Variants in ABCC9 observed in about 807,000 individuals in gnomAD.
ABCC9 encodes the protein ATP-binding cassette sub-family C member 9.
A neutral mutation model predicts 188.3 loss-of-function variants in ABCC9; 95 were observed. The ratio of observed to expected loss-of-function variants is 0.50; its 90% confidence interval spans 0.43 to 0.60. ABCC9 has a LOEUF of 0.60. Ranked by LOEUF, ABCC9 falls within the 20% of genes least tolerant of loss-of-function variation. The pLI is 0.00. For missense variants in ABCC9, 1,102 were observed against 1,876.3 expected, an observed-to-expected ratio of 0.59 and a Z score of 7.62; for synonymous variants, 659 against 652.7, an observed-to-expected ratio of 1.01 and a Z score of -0.15.
At chr12:21,939,604 GT>G (rs925803333) in intron 2 of ABCC9, among the ~76,000 whole-genome samples, 1 of 152,138 alleles carries the variant, frequency 6.6e-6, no homozygotes, top group Non-Finnish European at 1.5e-5. Flanking sequence ...TTCTGGAGCT[GT>G]TTAGATTCAG....
At chr12:21,827,927 A>G (rs1943482888) in intron 31 of ABCC9, among the ~76,000 whole-genome samples, 1 of 152,210 alleles carries the variant, frequency 6.6e-6, no homozygotes, top group African/African-American at 2.4e-5. Context: ...TTTAATCTGT[A>G]TCCATCAATC....
At chr12:21,877,385 G>T (rs977873189) in intron 16 of ABCC9, among the ~76,000 whole-genome samples, 1 of 152,082 alleles carries the variant, frequency 6.6e-6, no homozygotes, top group Admixed American at 6.6e-5. Flanking sequence ...AGCATTTGTA[G>T]GTAAAGAACT....
chr12:21,821,610 A>T (rs574208335), intron 31 of ABCC9, among the ~76,000 whole-genome samples: 1 of 152,116 alleles, frequency 6.6e-6, no homozygotes, highest in Admixed American at 6.6e-5. Flanking sequence ...AATAAAGGAA[A>T]TGTAAAACAT....
intron 21 of ABCC9, 95 bp from the exon 22 acceptor site, chr12:21,859,761 CT>C: frequency 1.9e-6 from 2 of 1,036,190 alleles, no homozygotes; most frequent in African/African-American, 1.6e-5. Flanking sequence ...TTTTAAAAAT[CT>C]TAGATTGATA....
chr12:21,897,131 G>T (rs1235907147), intron 12 of ABCC9, among the ~76,000 whole-genome samples: 1 of 152,150 alleles, frequency 6.6e-6, no homozygotes, highest in African/African-American at 2.4e-5. Context: ...GCGTGAGATG[G>T]TGTCTCATTG....
At chr12:21,815,288 T>C (rs1354020248) in intron 34 of ABCC9, among the ~76,000 whole-genome samples, 11 of 127,088 alleles carry the variant, frequency 8.7e-5, no homozygotes, top group Admixed American at 7.1e-4. Context: ...TCTTCATGGT[T>C]TTTTTTTTTT....
Position 21,910,879 on chromosome 12 carries a change from C to G in ABCC9, c.1111G>C (p.Ala371Pro). 1 of 1,612,480 alleles carries G rather than the reference C, an allele frequency of 6.2e-7. No individual in the cohort carries two copies. The highest frequency in any genetic ancestry group is 8.5e-7 in the Non-Finnish European group (1 of 1,178,806). ...GTCTCTATGGTTACATAGTAGGAAG[C>G]CTGCAAAAATGTCCTTTGCAGAATA... ...ALILQRTFLQ[A>P]SYYVTIETGI... The change falls in exon 9 of 40, where the codon GCT becomes CCT. Residue 371 changes from alanine to proline, a missense_variant. Ala to Pro is a conservative substitution (Grantham distance 27, BLOSUM62 -1). Transcript: ENST00000261200.
intron 16 of ABCC9, among the ~76,000 whole-genome samples, chr12:21,876,989 T>C (rs997783769): frequency 6.6e-5 from 10 of 152,296 alleles, no homozygotes; most frequent in Non-Finnish European, 2.9e-5. Context: ...TTTAGTAATA[T>C]CCATCACACA....
intron 16 of ABCC9, 58 bp downstream of exon 16, chr12:21,882,708 C>T: frequency 6.9e-7 from 1 of 1,445,140 alleles, no homozygotes; most frequent in Non-Finnish European, 9.7e-7. Flanking sequence ...AGAACTTCAC[C>T]ATAAAATAGT....
chr12:21,870,063 C>T (rs949062661), intron 18 of ABCC9, among the ~76,000 whole-genome samples: 1 of 152,042 alleles, frequency 6.6e-6, no homozygotes, highest in African/African-American at 2.4e-5. Flanking sequence ...ATCCTTCACC[C>T]CCTCCTGCCT....
At chr12:21,885,857 CT>C (rs1416250177) in intron 15 of ABCC9, among the ~76,000 whole-genome samples, 2 of 152,164 alleles carry the variant, frequency 1.3e-5, no homozygotes, top group South Asian at 4.2e-4. Flanking sequence ...ACAAGATTGC[CT>C]TTTTTAGCAG....
At chr12:21,829,971 G>A (rs185293186) in intron 30 of ABCC9, among the ~76,000 whole-genome samples, 20 of 152,180 alleles carry the variant, frequency 1.3e-4, no homozygotes, top group African/African-American at 4.1e-4. Context: ...TAGAGATGAC[G>A]GCAAATGCTC....
At chr12:21,802,939 T>C (rs1215628899) in intron 39 of ABCC9, among the ~76,000 whole-genome samples, 1 of 152,064 alleles carries the variant, frequency 6.6e-6, no homozygotes, top group East Asian at 1.9e-4. Flanking sequence ...GAAACATATA[T>C]GAAATGTGAT....
chr12:21,927,648 CTAA>C (rs1949094330), intron 4 of ABCC9, among the ~76,000 whole-genome samples: 1 of 151,958 alleles, frequency 6.6e-6, no homozygotes, highest in Non-Finnish European at 1.5e-5. Context: ...GAAAGAGGAG[CTAA>C]TAAGTTTCGC....
At chr12:21,888,491 C>T (rs1299609898) in intron 14 of ABCC9, among the ~76,000 whole-genome samples, 1 of 152,084 alleles carries the variant, frequency 6.6e-6, no homozygotes, top group Non-Finnish European at 1.5e-5. Flanking sequence ...ACTCTAGAGT[C>T]TTGCTGCTCA....
At chr12:21,918,139 C>T (rs34413975) in intron 5 of ABCC9, among the ~76,000 whole-genome samples, 52,513 of 151,516 alleles carry the variant, frequency 0.35, 9,493 homozygotes, top group Admixed American at 0.39. Context: ...AACAATTAAG[C>T]GTAAGAAATT....
chr12:21,900,684 T>C (rs894283191), intron 12 of ABCC9, among the ~76,000 whole-genome samples: 1 of 152,174 alleles, frequency 6.6e-6, no homozygotes, highest in African/African-American at 2.4e-5. Context: ...AGTAGCTGAT[T>C]TGATCAACTG....
intron 39 of ABCC9, among the ~76,000 whole-genome samples, chr12:21,804,330 T>A (rs1346488769): frequency 6.6e-6 from 1 of 152,176 alleles, no homozygotes; most frequent in Non-Finnish European, 1.5e-5. Flanking sequence ...AATAGAACCA[T>A]CCAACAACGC....
intron 5 of ABCC9, among the ~76,000 whole-genome samples, chr12:21,920,584 A>G (rs1382990869): frequency 1.3e-5 from 2 of 151,932 alleles, no homozygotes; most frequent in African/African-American, 2.4e-5. Flanking sequence ...TGTACTCTTT[A>G]ATTCTTTTTT....
Sources: allele counts gnomAD v4.1 joint callset (sites outside exome capture counted in the v4.1 genomes callset), GRCh38; gene constraint gnomAD v4.1.1; transcripts MANE v1.5; gene names NCBI Gene and HGNC (gene_info 2026-07-23, HGNC 2026-07-21).